LUZP2: variants seen among roughly 807,000 people sequenced by gnomAD.
LUZP2 encodes the protein leucine zipper protein 2.
LUZP2 carries 52 observed loss-of-function variants against 51.6 expected under a neutral mutation model. The observed-to-expected ratio is 1.01, with a 90% confidence interval of 0.81 to 1.27. The LOEUF (loss-of-function observed/expected upper bound fraction) is 1.27, where lower values mean the gene tolerates loss of function less well. LUZP2 is among the 50% of genes most tolerant of loss of function. LUZP2 has a pLI of 0.00. For missense variants in LUZP2, 436 were observed against 395.4 expected, an observed-to-expected ratio of 1.10 and a Z score of -0.87; for synonymous variants, 154 against 137.3, an observed-to-expected ratio of 1.12 and a Z score of -0.85.
In LUZP2 at chr11:24,601,982, A is replaced by G. The variant is rs1475171525; in HGVS notation, c.62+104677A>G. Among the ~76,000 whole-genome samples, 23 of 108,346 alleles carry G rather than the reference A, an allele frequency of 2.1e-4. No homozygotes were observed. The South Asian group carries it at 4.9e-3, about 23-fold the overall frequency. The allele number at this position is 108,346 out of a possible 152,430, so 71.1% of individuals were successfully genotyped here. A position where few individuals can be genotyped will look rare whatever the true frequency, so the allele number is the denominator to read the frequency against. On this transcript the variant is annotated intron_variant, in intron 1 of 11. Coordinates refer to ENST00000336930, the MANE Select transcript of LUZP2 (RefSeq NM_001009909.4). ...TATATGTATATATGTGTATATGTATATATATGTGTATATATGTATATATAT... is the reference window on the plus strand; with the variant it reads ...TATATGTATATATGTGTATATGTATGTATATGTGTATATATGTATATATAT...
intron 1 of LUZP2, among the ~76,000 whole-genome samples, chr11:24,504,283 G>A (rs1850086283): frequency 6.6e-6 from 1 of 152,198 alleles, no homozygotes. Context: ...TTGCAAAGAT[G>A]TGTTCCTAAA....
chr11:24,907,620 G>A (rs914143534), intron 6 of LUZP2, among the ~76,000 whole-genome samples: 1 of 152,122 alleles, frequency 6.6e-6, no homozygotes, highest in African/African-American at 2.4e-5. Flanking sequence ...TAACAAGGTA[G>A]AATGATGTTT....
chr11:24,636,166 A>C lies in LUZP2; in HGVS notation c.63-93003A>C, dbSNP rs796777800. 2.4e-4 allele frequency among the ~76,000 whole-genome samples: 36 copies of C among 152,290 alleles called. 1 individual carries two copies. Among genetic ancestry groups the C allele is most frequent in the African/African-American group, 8.4e-4 (35 of 41,578 alleles). On this transcript the variant is annotated intron_variant, in intron 1 of 11. Transcript: ENST00000336930. ...AACTACACACTGTAAGAGAACACTGATCATTATCTGCCTCATTTATGGTAT... is the reference window on the plus strand; with the variant it reads ...AACTACACACTGTAAGAGAACACTGCTCATTATCTGCCTCATTTATGGTAT...
chr11:25,058,048 C>T (rs549541489), intron 10 of LUZP2, among the ~76,000 whole-genome samples: 2 of 151,662 alleles, frequency 1.3e-5, no homozygotes, highest in South Asian at 2.1e-4. Flanking sequence ...AAGTCATACC[C>T]TGCTGTAATT....
intron 4 of LUZP2, among the ~76,000 whole-genome samples, chr11:24,754,632 A>T (rs145836557): frequency 0.014 from 2,201 of 152,288 alleles, 26 homozygotes; most frequent in Non-Finnish European, 0.018. Flanking sequence ...TTGCATATGA[A>T]GCATATCAAC....
At chr11:24,827,813 A>G (rs1346255258) in intron 5 of LUZP2, among the ~76,000 whole-genome samples, 3 of 152,094 alleles carry the variant, frequency 2.0e-5, no homozygotes, top group African/African-American at 7.2e-5. Context: ...GCCTGTGAAC[A>G]ACTCTTAGTG....
intron 10 of LUZP2, among the ~76,000 whole-genome samples, chr11:25,062,664 G>A (rs1330123689): frequency 1.3e-5 from 2 of 148,530 alleles, no homozygotes; most frequent in African/African-American, 2.5e-5. Flanking sequence ...AAAGTTGTGT[G>A]TCTTTCCGTC....
chr11:24,906,830 G>T (rs745471998), intron 6 of LUZP2, among the ~76,000 whole-genome samples: 2 of 152,132 alleles, frequency 1.3e-5, no homozygotes, highest in Non-Finnish European at 2.9e-5. Flanking sequence ...ACAGTCATGA[G>T]TGGCTTCATA....
At chr11:24,550,792 G>T (rs932237613) in intron 1 of LUZP2, among the ~76,000 whole-genome samples, 2 of 151,922 alleles carry the variant, frequency 1.3e-5, no homozygotes, top group Non-Finnish European at 2.9e-5. Context: ...CATAATACTT[G>T]TCCAGGAACA....
chr11:24,763,110 G>A lies in LUZP2; in HGVS notation c.334-136G>A, dbSNP rs1052284403. The A allele has an allele frequency of 5.8e-6, 3 of 513,468 alleles. No individual in the cohort carries two copies. The Admixed American group carries it at 1.3e-4, about 22-fold the overall frequency. 31.8% of individuals were successfully genotyped at this position (513,468 alleles called of 1,614,324 possible). A position where few individuals can be genotyped will look rare whatever the true frequency, so the allele number is the denominator to read the frequency against. ...ATTTAGTAATGAAGGTTTTGATTAA[G>A]GAACAGTGTAATTCTTTGTTCTTTT... is the stretch of plus-strand genomic sequence containing the variant. On this transcript the variant is annotated intron_variant, in intron 4 of 11. Coordinates refer to ENST00000336930, the MANE Select transcript of LUZP2 (RefSeq NM_001009909.4).
In LUZP2 at chr11:24,716,465, G is replaced by A. The variant is rs369754533; in HGVS notation, c.63-12704G>A. Among the ~76,000 whole-genome samples the A allele has an allele frequency of 1.7e-3, 253 of 152,222 alleles. 2 individuals carry two copies. Among genetic ancestry groups the A allele is most frequent in the South Asian group, 0.015 (72 of 4,824 alleles). ...ATAAACAGTTAGAAATATAAATTAC[G>A]GCAGGACAGACATCAAAGGAGTGAA... is the stretch of plus-strand genomic sequence containing the variant. On this transcript the variant is annotated intron_variant, in intron 1 of 11. Coordinates refer to ENST00000336930, the MANE Select transcript of LUZP2 (RefSeq NM_001009909.4).
intron 1 of LUZP2, among the ~76,000 whole-genome samples, chr11:24,660,567 G>A (rs560878844): frequency 1.9e-3 from 293 of 152,190 alleles, no homozygotes; most frequent in Non-Finnish European, 3.7e-3. Flanking sequence ...TGGATTGCTT[G>A]GGGAGAGTGT....
chr11:24,624,205 T>C (rs1031534919), intron 1 of LUZP2, among the ~76,000 whole-genome samples: 2 of 152,206 alleles, frequency 1.3e-5, no homozygotes, highest in African/African-American at 4.8e-5. Flanking sequence ...AATTTCAGAC[T>C]TAATAACATG....
At chr11:25,031,256 TGCCTCG>T (rs1391365088) in intron 9 of LUZP2, among the ~76,000 whole-genome samples, 1 of 151,410 alleles carries the variant, frequency 6.6e-6, no homozygotes, top group Non-Finnish European at 1.5e-5. Flanking sequence ...GTGATCCACC[TGCCTCG>T]GCATCCCAAA....
intron 5 of LUZP2, among the ~76,000 whole-genome samples, chr11:24,776,247 A>G (rs1848918827): frequency 6.6e-6 from 1 of 152,240 alleles, no homozygotes; most frequent in Admixed American, 6.5e-5. Context: ...TGTGCAATTC[A>G]TATTTTAATT....
At chr11:24,525,000 A>G (rs984890889) in intron 1 of LUZP2, among the ~76,000 whole-genome samples, 1 of 151,666 alleles carries the variant, frequency 6.6e-6, no homozygotes, top group Non-Finnish European at 1.5e-5. Context: ...GAAACATTAA[A>G]GAAAGTGAAC....
intron 1 of LUZP2, among the ~76,000 whole-genome samples, chr11:24,501,701 A>G (rs1509600): frequency 0.035 from 5,283 of 152,296 alleles, 216 homozygotes; most frequent in African/African-American, 0.093. Flanking sequence ...ATTATCATGC[A>G]GTAAGAATGT....
At chr11:24,497,916 G>A (rs767028932) in intron 1 of LUZP2, among the ~76,000 whole-genome samples, 2 of 152,202 alleles carry the variant, frequency 1.3e-5, no homozygotes, top group Non-Finnish European at 2.9e-5. Flanking sequence ...AAAGTTAGAA[G>A]ACACTCTCAG....
At chr11:24,923,414 C>T (rs1028263282) in intron 7 of LUZP2, among the ~76,000 whole-genome samples, 3 of 151,328 alleles carry the variant, frequency 2.0e-5, no homozygotes, top group Admixed American at 6.6e-5. Context: ...AGACAGGATT[C>T]GGCTGGGCGC....
Sources: allele counts gnomAD v4.1 joint callset (sites outside exome capture counted in the v4.1 genomes callset), GRCh38; gene constraint gnomAD v4.1.1; transcripts MANE v1.5; gene names NCBI Gene and HGNC (gene_info 2026-07-23, HGNC 2026-07-21).